CASQ2: variants seen among roughly 807,000 people sequenced by gnomAD.
The protein encoded by CASQ2 is calsequestrin-2.
Under a neutral mutation model 46.5 loss-of-function variants are expected in CASQ2, and 49 were observed. That is an observed-to-expected ratio of 1.05 (90% CI 0.84 to 1.34). CASQ2 has a LOEUF of 1.34. CASQ2 is among the 40% of genes most tolerant of loss of function. The pLI is 0.00. For synonymous variants in CASQ2, 174 were observed against 168.5 expected, an observed-to-expected ratio of 1.03 and a Z score of -0.25; for missense variants, 486 against 481.3, an observed-to-expected ratio of 1.01 and a Z score of -0.09.
intron 1 of CASQ2, among the ~76,000 whole-genome samples, chr1:115,764,353 T>C (rs1167393730): frequency 2.6e-5 from 4 of 152,150 alleles, no homozygotes; most frequent in African/African-American, 7.2e-5. Flanking sequence ...GAAACAAAAC[T>C]GTATAAATGG....
intron 4 of CASQ2, among the ~76,000 whole-genome samples, chr1:115,733,176 CG>C (rs1167853376): frequency 6.6e-6 from 1 of 152,142 alleles, no homozygotes; most frequent in Non-Finnish European, 1.5e-5. Context: ...GGCATTCAAA[CG>C]CCCAAGAGAA....
In CASQ2 at chr1:115,705,023, C is replaced by A. The variant is rs913638119; in HGVS notation, c.939+169G>T. On this transcript the variant is annotated intron_variant, in intron 9 of 10. Coordinates refer to ENST00000261448, the MANE Select transcript of CASQ2 (RefSeq NM_001232.4). ...AAGCCGAATCCTTTCAGGGTCAGCACCAGGCCCCAAGTTCAATACTGCCCC... is the reference window on the plus strand; with the variant it reads ...AAGCCGAATCCTTTCAGGGTCAGCAACAGGCCCCAAGTTCAATACTGCCCC... 2.0e-5 allele frequency among the ~76,000 whole-genome samples: 3 copies of A among 152,218 alleles called. No homozygotes were observed. The East Asian group carries it at 5.8e-4, about 29-fold the overall frequency.
chr1:115,719,689 G>C (rs1647300651), intron 7 of CASQ2, among the ~76,000 whole-genome samples: 2 of 152,258 alleles, frequency 1.3e-5, no homozygotes, highest in African/African-American at 4.8e-5. Flanking sequence ...TAAACTCACA[G>C]AGCCAGAACC....
chr1:115,711,563 C>A (rs1460714213), intron 8 of CASQ2, among the ~76,000 whole-genome samples: 1 of 151,190 alleles, frequency 6.6e-6, no homozygotes, highest in South Asian at 2.1e-4. Flanking sequence ...TTCTCTCCTC[C>A]ACCCCCATCA....
At chr1:115,761,489 A>AG (rs1648954420) in intron 1 of CASQ2, among the ~76,000 whole-genome samples, 1 of 19,756 alleles carries the variant, frequency 5.1e-5, no homozygotes. Context: ...AAGAAGAAGG[A>AG]GAAGAAGGAG....
chr1:115,710,656 C>A (rs1306838857), intron 8 of CASQ2, among the ~76,000 whole-genome samples: 1 of 152,118 alleles, frequency 6.6e-6, no homozygotes, highest in East Asian at 1.9e-4. Context: ...CTGCCAAGCC[C>A]TCGCCTCCCA....
chr1:115,705,205 TC>T lies in CASQ2; in HGVS notation c.925del (p.Asp309ThrfsTer26). On this transcript the variant is annotated frameshift_variant, in exon 9 of 11. Coordinates refer to ENST00000261448, the MANE Select transcript of CASQ2 (RefSeq NM_001232.4). LOFTEE classifies it high-confidence loss of function. The part of the protein sequence containing the change: ...PDLSILWIDP[D>X]DFPLLVAYWE... ...GGAGCCACTCACCAGAGGAAAGTCGTCCGGGTCGATCCACAGGATGCTCAGA... is the reference window on the plus strand; with the variant it reads ...GGAGCCACTCACCAGAGGAAAGTCGTCGGGTCGATCCACAGGATGCTCAGA... 6.2e-7 allele frequency: 1 copy of T among 1,612,278 alleles called. No homozygotes were observed. The highest frequency in any genetic ancestry group is 1.7e-4 in the Middle Eastern group (1 of 6,058).
At chr1:115,748,964 A>G (rs1365303189) in intron 1 of CASQ2, among the ~76,000 whole-genome samples, 2 of 152,138 alleles carry the variant, frequency 1.3e-5, no homozygotes, top group East Asian at 3.9e-4. Flanking sequence ...TAGAAAATAG[A>G]CCTGGGTGGG....
At chr1:115,752,797 T>G (rs778032262) in intron 1 of CASQ2, among the ~76,000 whole-genome samples, 1 of 152,062 alleles carries the variant, frequency 6.6e-6, no homozygotes, top group Non-Finnish European at 1.5e-5. Context: ...TGGATCTGAG[T>G]GCGTAGAGCA....
At chr1:115,701,972 G>T (rs1474377531) in intron 10 of CASQ2, among the ~76,000 whole-genome samples, 2 of 151,552 alleles carry the variant, frequency 1.3e-5, no homozygotes, top group Non-Finnish European at 2.9e-5. Flanking sequence ...GCCCAGGCTG[G>T]AGTGCAATGG....
intron 8 of CASQ2, among the ~76,000 whole-genome samples, chr1:115,714,413 G>A (rs577880536): frequency 7.9e-5 from 12 of 152,256 alleles, no homozygotes; most frequent in Admixed American, 3.3e-4. Context: ...CATCATGCAC[G>A]TATTACAGAG....
At chr1:115,756,235 C>T (rs1367486673) in intron 1 of CASQ2, among the ~76,000 whole-genome samples, 2 of 152,190 alleles carry the variant, frequency 1.3e-5, no homozygotes, top group Non-Finnish European at 2.9e-5. Flanking sequence ...ACAGAAGCAG[C>T]TCTGGCTTGC....
chr1:115,761,281 C>A (rs1376693968), intron 1 of CASQ2, among the ~76,000 whole-genome samples: 3 of 144,352 alleles, frequency 2.1e-5, no homozygotes, highest in African/African-American at 8.2e-5. Flanking sequence ...CCTGTAATCC[C>A]AACAACTCAG....
chr1:115,731,184 C>A (rs1647770271), intron 5 of CASQ2, among the ~76,000 whole-genome samples: 1 of 152,220 alleles, frequency 6.6e-6, no homozygotes, highest in South Asian at 2.1e-4. Context: ...TAAAGCATCT[C>A]TCTGAATTTT....
chr1:115,761,550 G>C (rs887732120), intron 1 of CASQ2, among the ~76,000 whole-genome samples: 8 of 148,376 alleles, frequency 5.4e-5, no homozygotes, highest in Non-Finnish European at 1.0e-4. Flanking sequence ...GTGCACATGA[G>C]TCTTGTCAAT....
At position 115,732,942 on chromosome 1, in the gene CASQ2, A is replaced by T; in HGVS notation, c.565T>A (p.Phe189Ile). ...YKAFEEAAEH[F>I]QPYIKFFATF... ...GCAAAGAATTTGATGTAAGGCTGGA[A>T]GTGTTCAGCTGCTTCTTCAAAAGCC... The change falls in exon 5 of 11, where the codon TTC becomes ATC. Residue 189 changes from phenylalanine to isoleucine, a missense_variant. Coordinates refer to ENST00000261448, the MANE Select transcript of CASQ2 (RefSeq NM_001232.4). The T allele has an allele frequency of 6.2e-7, 1 of 1,613,940 alleles. No homozygotes were observed. The highest frequency in any genetic ancestry group is 8.5e-7 in the Non-Finnish European group (1 of 1,179,842).
intron 9 of CASQ2, 46 bp downstream of exon 9, chr1:115,705,146 G>A: frequency 8.5e-7 from 1 of 1,180,708 alleles, no homozygotes; most frequent in South Asian, 1.2e-5. Context: ...GCAATCATGA[G>A]GTTGTGACAG....
At chr1:115,736,875 A>T (rs1001762100) in intron 4 of CASQ2, among the ~76,000 whole-genome samples, 1 of 152,154 alleles carries the variant, frequency 6.6e-6, no homozygotes, top group Non-Finnish European at 1.5e-5. Flanking sequence ...AAATTAAGGC[A>T]TCCATATAAG....
intron 8 of CASQ2, among the ~76,000 whole-genome samples, chr1:115,714,586 C>T (rs1353357017): frequency 6.6e-6 from 1 of 152,170 alleles, no homozygotes; most frequent in African/African-American, 2.4e-5. Flanking sequence ...CCATGTCTAA[C>T]TTGTTAGCAA....
Sources: gnomAD v4.1 joint callset for allele counts (sites outside exome capture counted in the v4.1 genomes callset) on GRCh38, gnomAD v4.1.1 for gene constraint, MANE v1.5 for transcripts, NCBI Gene and HGNC (gene_info 2026-07-23, HGNC 2026-07-21) for gene names.